The following SEMA5A variants were observed in gnomAD, a reference collection of about 807,000 sequenced individuals.
The protein encoded by SEMA5A is semaphorin 5A.
In SEMA5A, 55 loss-of-function variants were observed where a neutral mutation model predicts 135.5. The observed-to-expected ratio is 0.41, with a 90% CI of 0.33 to 0.51. The LOEUF (loss-of-function observed/expected upper bound fraction) is 0.51. Among genes scored for constraint, SEMA5A ranks in the 20% least tolerant of loss-of-function variants. The pLI, the probability that SEMA5A is intolerant of heterozygous loss-of-function variation, is 0.37. For missense variants in SEMA5A, 1,290 were observed against 1,419.9 expected, an observed-to-expected ratio of 0.91 and a Z score of 1.47; for synonymous variants, 580 against 546.5, an observed-to-expected ratio of 1.06 and a Z score of -0.85.
intron 21 of SEMA5A, chr5:9,046,002 C>T (rs1228276968): frequency 6.6e-6 from 1 of 152,248 alleles, no homozygotes; most frequent in African/African-American, 2.4e-5. Flanking sequence ...AAGGCAGCAT[C>T]TCGTCAGTGC....
In SEMA5A at chr5:9,538,030, G is replaced by T. The variant is rs538433947; in HGVS notation, c.-175+7554C>A. 7.9e-5 allele frequency among the ~76,000 whole-genome samples: 12 copies of T among 152,316 alleles called. No individual in the cohort carries two copies. In the South Asian group the frequency reaches 2.5e-3, roughly 32 times the overall value. ...GCCCACAAGAGAGCTGAGGAAGCCT[G>T]TGGCAGGAGGCAGAGAGGATTTTAA... On this transcript the variant is annotated intron_variant, in intron 1 of 22. Coordinates refer to ENST00000382496, the MANE Select transcript of SEMA5A (RefSeq NM_003966.3).
intron 2 of SEMA5A, among the ~76,000 whole-genome samples, chr5:9,384,559 G>GATAGATAC (rs1755752460): frequency 8.1e-6 from 1 of 123,534 alleles, no homozygotes; most frequent in Non-Finnish European, 1.7e-5. Context: ...TAGATAGATA[G>GATAGATAC]ATAGATAGAT....
At chr5:9,056,410 G>A (rs1579314195) in intron 18 of SEMA5A, among the ~76,000 whole-genome samples, 2 of 152,156 alleles carry the variant, frequency 1.3e-5, no homozygotes, top group Admixed American at 6.5e-5. Flanking sequence ...GGAAAACAAT[G>A]TGGAGGGTCC....
intron 7 of SEMA5A, among the ~76,000 whole-genome samples, chr5:9,225,869 A>G (rs1268726640): frequency 1.3e-5 from 2 of 151,988 alleles, no homozygotes; most frequent in South Asian, 2.1e-4. Flanking sequence ...CTCGCCTGAG[A>G]GGTATTGGAG....
chr5:9,159,194 A>G (rs181726337), intron 11 of SEMA5A, among the ~76,000 whole-genome samples: 1 of 152,334 alleles, frequency 6.6e-6, no homozygotes. Flanking sequence ...CAGAACTGAT[A>G]CATATTTTCT....
chr5:9,240,027 A>T (rs1386297143), intron 5 of SEMA5A, among the ~76,000 whole-genome samples: 3 of 152,068 alleles, frequency 2.0e-5, no homozygotes, highest in Admixed American at 1.3e-4. Context: ...TTTTCAAGAT[A>T]AATATTGGCC....
chr5:9,498,860 T>C (rs1735436918), intron 1 of SEMA5A: 1 of 152,240 alleles, frequency 6.6e-6, no homozygotes, highest in Admixed American at 6.5e-5. Context: ...AGGTGTGGAA[T>C]TGTTAGCCTG....
chr5:9,297,989 A>G (rs1751426091), intron 5 of SEMA5A, among the ~76,000 whole-genome samples: 1 of 152,210 alleles, frequency 6.6e-6, no homozygotes, highest in Non-Finnish European at 1.5e-5. Context: ...ATATAGCTAT[A>G]AAGTTAGGTG....
At chr5:9,312,174 T>C (rs1273085021) in intron 5 of SEMA5A, among the ~76,000 whole-genome samples, 2 of 152,086 alleles carry the variant, frequency 1.3e-5, no homozygotes, top group African/African-American at 4.8e-5. Context: ...AAAAGCTTTG[T>C]TCTTATAAAA....
chr5:9,136,030 A>T (rs1741720617), intron 13 of SEMA5A, among the ~76,000 whole-genome samples: 1 of 152,156 alleles, frequency 6.6e-6, no homozygotes, highest in Non-Finnish European at 1.5e-5. Context: ...CCTTCCTGTG[A>T]CCTTGAACAG....
intron 4 of SEMA5A, among the ~76,000 whole-genome samples, chr5:9,320,119 T>C (rs190136228): frequency 1.4e-4 from 22 of 152,178 alleles, no homozygotes; most frequent in Admixed American, 1.0e-3. Flanking sequence ...CACATGGGGG[T>C]ACCACCTCTC....
At chr5:9,235,612 G>T (rs1215309532) in intron 6 of SEMA5A, among the ~76,000 whole-genome samples, 1 of 150,302 alleles carries the variant, frequency 6.7e-6, no homozygotes, top group African/African-American at 2.4e-5. Context: ...AGGGAAGGAG[G>T]GTGGGGCCCC....
intron 15 of SEMA5A, among the ~76,000 whole-genome samples, chr5:9,118,323 A>G (rs1364105277): frequency 1.3e-5 from 2 of 152,248 alleles, no homozygotes; most frequent in African/African-American, 2.4e-5. Context: ...GCATATTAAG[A>G]CAGATTCAAT....
rs375864669 is a variant in SEMA5A, at chr5:9,402,754, T to C, written c.-77-22731A>G. ...TGTTCCCAATACACCATCAGAACTGTATTAAGGGTCCACAAGATGTTATCT... is the reference window on the plus strand; with the variant it reads ...TGTTCCCAATACACCATCAGAACTGCATTAAGGGTCCACAAGATGTTATCT... On this transcript the variant is annotated intron_variant, in intron 2 of 22. Coordinates refer to ENST00000382496, the MANE Select transcript of SEMA5A (RefSeq NM_003966.3). 5.9e-5 allele frequency among the ~76,000 whole-genome samples: 9 copies of C among 152,320 alleles called. No individual in the cohort carries two copies. In the East Asian group the frequency reaches 1.5e-3, roughly 26 times the overall value.
intron 1 of SEMA5A, among the ~76,000 whole-genome samples, chr5:9,476,344 T>G (rs949479835): frequency 6.6e-6 from 1 of 152,156 alleles, no homozygotes; most frequent in Non-Finnish European, 1.5e-5. Flanking sequence ...CCCTTGCACA[T>G]GTTGGGGGTT....
At chr5:9,477,604 C>A (rs1211422490) in intron 1 of SEMA5A, among the ~76,000 whole-genome samples, 3 of 152,148 alleles carry the variant, frequency 2.0e-5, no homozygotes, top group African/African-American at 7.2e-5. Flanking sequence ...TGGCATTGTG[C>A]CCCTGCTCTA....
At chr5:9,309,707 G>T (rs913143722) in intron 5 of SEMA5A, among the ~76,000 whole-genome samples, 1 of 152,092 alleles carries the variant, frequency 6.6e-6, no homozygotes, top group Non-Finnish European at 1.5e-5. Flanking sequence ...TTCTAGGAGG[G>T]CGCAGTTGTT....
chr5:9,088,655 TATATAC>T (rs1374612573), intron 16 of SEMA5A, among the ~76,000 whole-genome samples: 24 of 99,754 alleles, frequency 2.4e-4, no homozygotes, highest in African/African-American at 9.9e-4. Flanking sequence ...TATATATATA[TATATAC>T]ACACACACAC....
intron 16 of SEMA5A, among the ~76,000 whole-genome samples, chr5:9,094,747 C>T (rs1739228318): frequency 6.6e-6 from 1 of 152,160 alleles, no homozygotes; most frequent in Non-Finnish European, 1.5e-5. Context: ...TCAAATAGGG[C>T]AATTTCGTGG....
Sources: allele counts gnomAD v4.1 joint callset (sites outside exome capture counted in the v4.1 genomes callset), GRCh38; gene constraint gnomAD v4.1.1; transcripts MANE v1.5; gene names NCBI Gene and HGNC (gene_info 2026-07-23, HGNC 2026-07-21).